Variants in PTPRD observed in about 807,000 individuals in gnomAD.
PTPRD encodes the protein protein tyrosine phosphatase receptor type D, also known as receptor-type tyrosine-protein phosphatase delta.
Under a neutral mutation model 214.5 loss-of-function variants are expected in PTPRD, and 34 were observed. That is an observed-to-expected ratio of 0.16 (90% CI 0.12 to 0.21). The LOEUF is 0.21. Among genes scored for constraint, PTPRD ranks in the 10% least tolerant of loss-of-function variants. The pLI is 1.00. For synonymous variants in PTPRD, 1,128 were observed against 845.7 expected, an observed-to-expected ratio of 1.33 and a Z score of -5.79; for missense variants, 2,545 against 2,398.7, an observed-to-expected ratio of 1.06 and a Z score of -1.27.
chr9:10,469,621 A>G (rs1466521120), intron 2 of PTPRD, among the ~76,000 whole-genome samples: 1 of 152,140 alleles, frequency 6.6e-6, no homozygotes, highest in East Asian at 1.9e-4. Flanking sequence ...AGAACTAAAA[A>G]TAGAGCTACT....
At chr9:10,258,719 G>C (rs1232510598) in intron 3 of PTPRD, among the ~76,000 whole-genome samples, 1 of 152,008 alleles carries the variant, frequency 6.6e-6, no homozygotes, top group Admixed American at 6.6e-5. Context: ...TGTGGTTTCA[G>C]GTTTCAGTCA....
At chr9:9,379,934 T>A (rs1266678399) in intron 9 of PTPRD, among the ~76,000 whole-genome samples, 1 of 152,052 alleles carries the variant, frequency 6.6e-6, no homozygotes, top group African/African-American at 2.4e-5. Flanking sequence ...TTTTGATTCT[T>A]TTGTATTTTT....
chr9:9,058,902 G>C (rs2099702017), intron 10 of PTPRD, among the ~76,000 whole-genome samples: 1 of 152,110 alleles, frequency 6.6e-6, no homozygotes, highest in Admixed American at 6.6e-5. Flanking sequence ...CAGATAATGA[G>C]GACTGATTAT....
chr9:10,277,169 G>T (rs10959004), intron 3 of PTPRD, among the ~76,000 whole-genome samples: 5 of 151,252 alleles, frequency 3.3e-5, no homozygotes, highest in South Asian at 4.2e-4. Flanking sequence ...TTGATCTTTT[G>T]GTTTAGTAAA....
chr9:9,782,147 C>A (rs573923617), intron 5 of PTPRD, among the ~76,000 whole-genome samples: 1 of 152,122 alleles, frequency 6.6e-6, no homozygotes, highest in South Asian at 2.1e-4. Context: ...CCGGTGGTTG[C>A]TTGGTTTCTT....
rs536355057 is a variant in PTPRD at position 8,980,403 on chromosome 9, G to A, written c.-104+38294C>T. Among the ~76,000 whole-genome samples, 5 of 151,822 alleles carry A rather than the reference G, an allele frequency of 3.3e-5. No homozygotes were observed. In the East Asian group the frequency reaches 9.7e-4, roughly 29 times the overall value. On this transcript the variant is annotated intron_variant, in intron 11 of 45. Coordinates refer to ENST00000381196, the MANE Select transcript of PTPRD (RefSeq NM_002839.4). ...TTTAGCTGCTTTTGTCATAAAAACA[G>A]AAACTACGTAAGATGATAGATATGT...
rs1162627112 is a variant in PTPRD at position 9,177,757 on chromosome 9, C to T, written c.-143+5547G>A. Among the ~76,000 whole-genome samples the T allele has an allele frequency of 7.2e-5, 11 of 152,160 alleles. No individual in the cohort carries two copies. In the East Asian group the frequency reaches 1.5e-3, roughly 21 times the overall value. On this transcript the variant is annotated intron_variant, in intron 10 of 45. Coordinates refer to ENST00000381196, the MANE Select transcript of PTPRD (RefSeq NM_002839.4). ...ATTTAAAAATCAGCTTAAGAGGCCG[C>T]TATTTATAGTAGTCCCTATAAAAAT...
intron 5 of PTPRD, among the ~76,000 whole-genome samples, chr9:9,858,133 A>G (rs961226340): frequency 3.9e-5 from 6 of 152,164 alleles, no homozygotes; most frequent in Non-Finnish European, 8.8e-5. Context: ...ATAGAGAGCC[A>G]CAGGCCCTGA....
At chr9:9,467,341 C>G in intron 8 of PTPRD, among the ~76,000 whole-genome samples, 1 of 149,110 alleles carries the variant, frequency 6.7e-6, no homozygotes. Context: ...TAATCCCAGA[C>G]CTTTGGGAGG....
At chr9:10,277,152 T>C (rs564602886) in intron 3 of PTPRD, among the ~76,000 whole-genome samples, 137 of 129,738 alleles carry the variant, frequency 1.1e-3, no homozygotes, top group Non-Finnish European at 1.6e-3. Flanking sequence ...CTTTAAGTCT[T>C]ATAAACTTGA....
intron 2 of PTPRD, among the ~76,000 whole-genome samples, chr9:10,535,651 G>C (rs747573464): frequency 6.6e-6 from 1 of 151,926 alleles, no homozygotes; most frequent in Non-Finnish European, 1.5e-5. Context: ...TCACAGAGAT[G>C]TCATGGTTGA....
intron 9 of PTPRD, among the ~76,000 whole-genome samples, chr9:9,324,310 T>A (rs564130322): frequency 1.3e-5 from 2 of 152,178 alleles, no homozygotes. Context: ...CCACCAACAG[T>A]GTAAAAGCAT....
chr9:10,365,733 T>A (rs892342046), intron 2 of PTPRD, among the ~76,000 whole-genome samples: 3 of 152,120 alleles, frequency 2.0e-5, no homozygotes, highest in Non-Finnish European at 2.9e-5. Flanking sequence ...ATTTTCTACT[T>A]CATAACTTTT....
At chr9:9,417,316 T>G (rs563690798) in intron 8 of PTPRD, among the ~76,000 whole-genome samples, 1 of 152,260 alleles carries the variant, frequency 6.6e-6, no homozygotes, top group East Asian at 1.9e-4. Flanking sequence ...ATAGATTCAT[T>G]CCACAAACAT....
At position 9,750,113 on chromosome 9, in the gene PTPRD, C is replaced by T. The variant is rs114028089; in HGVS notation, c.-325-15542G>A. On this transcript the variant is annotated intron_variant, in intron 6 of 45. Coordinates refer to ENST00000381196, the MANE Select transcript of PTPRD (RefSeq NM_002839.4). ...ACTTAACATTACACAATTACTAATA[C>T]AAATTGTAAAAGTTTTGCCAATATG... Among the ~76,000 whole-genome samples the T allele has an allele frequency of 4.8e-3, 727 of 152,222 alleles. 6 individuals carry two copies. Among genetic ancestry groups the T allele is most frequent in the African/African-American group, 0.016 (681 of 41,546 alleles).
intron 5 of PTPRD, among the ~76,000 whole-genome samples, chr9:9,845,151 TCTATATATA>T (rs760301337): frequency 0.48 from 19,083 of 39,422 alleles, 3,421 homozygotes; most frequent in Non-Finnish European, 0.53. Context: ...TATATATTGC[TCTATATATA>T]GAGCAATATA....
intron 29 of PTPRD, 40 bp from the exon 30 acceptor site, chr9:8,484,418 A>T: frequency 6.4e-7 from 1 of 1,570,468 alleles, no homozygotes; most frequent in Non-Finnish European, 8.6e-7. Flanking sequence ...TCTGGTTATC[A>T]GAGAGGCAAA....
intron 12 of PTPRD, among the ~76,000 whole-genome samples, chr9:8,648,796 T>C (rs1349631467): frequency 7.2e-5 from 11 of 152,214 alleles, no homozygotes; most frequent in African/African-American, 2.2e-4. Flanking sequence ...CCATTTAATA[T>C]AGACACACTA....
intron 2 of PTPRD, among the ~76,000 whole-genome samples, chr9:10,473,583 C>A (rs1250278996): frequency 2.6e-5 from 4 of 152,064 alleles, no homozygotes; most frequent in African/African-American, 9.7e-5. Context: ...TAAATTTACT[C>A]ATTTTGTAAC....
Sources: allele counts gnomAD v4.1 joint callset (sites outside exome capture counted in the v4.1 genomes callset), GRCh38; gene constraint gnomAD v4.1.1; transcripts MANE v1.5; gene names NCBI Gene and HGNC (gene_info 2026-07-23, HGNC 2026-07-21).